The following EML5 variants were observed in gnomAD, a reference collection of about 807,000 sequenced individuals.
The protein encoded by EML5 is echinoderm microtubule-associated protein-like 5.
Under a neutral mutation model 250.0 loss-of-function variants are expected in EML5, and 120 were observed. The ratio of observed to expected loss-of-function variants is 0.48; its 90% CI spans 0.41 to 0.56. The LOEUF is 0.56. EML5 is among the 20% of genes least tolerant of loss of function. EML5 has a pLI of 0.00. For missense variants in EML5, 2,006 were observed against 2,437.6 expected, an observed-to-expected ratio of 0.82 and a Z score of 3.73; for synonymous variants, 771 against 806.5, an observed-to-expected ratio of 0.96 and a Z score of 0.75.
chr14:88,760,433 C>T (rs560478252), intron 1 of EML5, among the ~76,000 whole-genome samples: 1 of 152,182 alleles, frequency 6.6e-6, no homozygotes, highest in South Asian at 2.1e-4. Flanking sequence ...TCTCCATTGA[C>T]TTCCCCAAGC....
At chr14:88,634,388 A>C (rs2090606855) in intron 33 of EML5, 81 bp downstream of exon 33, 1 of 906,068 alleles carries the variant, frequency 1.1e-6, no homozygotes, top group Admixed American at 3.5e-5. Flanking sequence ...AGAACGGACT[A>C]ATATACTTGA....
At chr14:88,641,024 G>C (rs1256141477) in intron 31 of EML5, among the ~76,000 whole-genome samples, 2 of 151,984 alleles carry the variant, frequency 1.3e-5, no homozygotes, top group Non-Finnish European at 2.9e-5. Flanking sequence ...AGAGGAGATG[G>C]ATAAATTCCT....
chr14:88,710,759 A>C (rs2093391707), intron 10 of EML5, among the ~76,000 whole-genome samples: 1 of 152,206 alleles, frequency 6.6e-6, no homozygotes, highest in African/African-American at 2.4e-5. Context: ...AACAAATGGG[A>C]AACAAAAAAG....
intron 2 of EML5, 21 bp from the exon 3 acceptor site, chr14:88,746,304 C>G (rs746565103): frequency 1.3e-6 from 2 of 1,593,854 alleles, no homozygotes; most frequent in South Asian, 1.1e-5. Flanking sequence ...TCCAAGAAGT[C>G]CAGGAAGGAA....
chr14:88,662,763 T>C (rs118168277), intron 24 of EML5, among the ~76,000 whole-genome samples: 2,944 of 152,126 alleles, frequency 0.019, 45 homozygotes, highest in Non-Finnish European at 0.026. Context: ...CAGTCTGGTC[T>C]TGAACTCCTG....
intron 7 of EML5, among the ~76,000 whole-genome samples, chr14:88,727,233 GATAA>G (rs1253129504): frequency 1.3e-5 from 2 of 152,066 alleles, no homozygotes; most frequent in African/African-American, 2.4e-5. Context: ...ATGCACTGGT[GATAA>G]ATAATAATGT....
At chr14:88,708,282 T>C (rs2093350727) in intron 10 of EML5, among the ~76,000 whole-genome samples, 1 of 152,174 alleles carries the variant, frequency 6.6e-6, no homozygotes, top group South Asian at 2.1e-4. Flanking sequence ...GAAATGACTT[T>C]GACTCACCAA....
Position 88,785,348 on chromosome 14 carries a change from G to C in EML5, c.197+6959C>G, listed in dbSNP as rs1166158372. 2.0e-5 allele frequency among the ~76,000 whole-genome samples: 3 copies of C among 152,114 alleles called. 1 individual carries two copies. Among genetic ancestry groups the C allele is most frequent in the Non-Finnish European group, 1.5e-5 (1 of 68,018 alleles). On this transcript the variant is annotated intron_variant, in intron 1 of 43. Coordinates refer to ENST00000554922, the MANE Select transcript of EML5 (RefSeq NM_183387.3). ...CTAAAAGGTTGCAACTGGATTCTTTGTAATACAAAGGATAAAGCCTTGAGG... is the reference window on the plus strand; with the variant it reads ...CTAAAAGGTTGCAACTGGATTCTTTCTAATACAAAGGATAAAGCCTTGAGG...
intron 36 of EML5, chr14:88,624,059 AT>A (rs776883239): frequency 6.6e-6 from 1 of 152,154 alleles, no homozygotes; most frequent in East Asian, 1.9e-4. Flanking sequence ...AGTCAACTAT[AT>A]GTCACATTTT....
intron 21 of EML5, among the ~76,000 whole-genome samples, chr14:88,669,363 A>C (rs1271515677): frequency 6.6e-6 from 1 of 152,182 alleles, no homozygotes; most frequent in African/African-American, 2.4e-5. Context: ...GAGGGGCAGC[A>C]GACATCACTG....
At chr14:88,753,864 A>G (rs2094129190) in intron 2 of EML5, among the ~76,000 whole-genome samples, 1 of 152,194 alleles carries the variant, frequency 6.6e-6, no homozygotes. Context: ...GGCTGGGTGC[A>G]GTGGCTCAAG....
intron 7 of EML5, among the ~76,000 whole-genome samples, chr14:88,735,004 T>G (rs11624015): frequency 1.3e-5 from 2 of 152,042 alleles, no homozygotes; most frequent in African/African-American, 2.4e-5. Flanking sequence ...TACAGAACAC[T>G]GTGTGATAAC....
intron 18 of EML5, 72 bp from the exon 19 acceptor site, chr14:88,687,399 T>C: frequency 3.7e-6 from 4 of 1,084,788 alleles, no homozygotes; most frequent in East Asian, 5.4e-5. Context: ...TTTCCTTATA[T>C]TGAAAACTTC....
intron 21 of EML5, 95 bp from the exon 22 acceptor site, chr14:88,665,584 T>C: frequency 1.3e-6 from 2 of 1,525,914 alleles, no homozygotes; most frequent in Non-Finnish European, 1.8e-6. Flanking sequence ...CCAAGCACTC[T>C]GGGGAGCTGA....
At chr14:88,726,748 A>C in intron 7 of EML5, 70 bp from the exon 8 acceptor site, 2 of 1,135,854 alleles carry the variant, frequency 1.8e-6, no homozygotes, top group South Asian at 2.2e-5. Flanking sequence ...TTTTGGTTAA[A>C]ATAATCTCAT....
At chr14:88,667,809 G>A (rs1300743852) in intron 21 of EML5, among the ~76,000 whole-genome samples, 1 of 152,280 alleles carries the variant, frequency 6.6e-6, no homozygotes, top group African/African-American at 2.4e-5. Flanking sequence ...CACTGTAATG[G>A]CTCTAACAAT....
intron 1 of EML5, among the ~76,000 whole-genome samples, chr14:88,761,508 C>T (rs905821654): frequency 1.3e-5 from 2 of 152,132 alleles, no homozygotes; most frequent in Non-Finnish European, 2.9e-5. Flanking sequence ...GCTTCATCGT[C>T]CCTGCAAAGG....
At chr14:88,791,000 T>C (rs1362085032) in intron 1 of EML5, among the ~76,000 whole-genome samples, 1 of 152,168 alleles carries the variant, frequency 6.6e-6, no homozygotes, top group East Asian at 1.9e-4. Flanking sequence ...AAAAGCACTC[T>C]GGTGTCCAAA....
intron 9 of EML5, among the ~76,000 whole-genome samples, chr14:88,713,558 G>A (rs959877922): frequency 6.6e-6 from 1 of 151,462 alleles, no homozygotes; most frequent in African/African-American, 2.4e-5. Flanking sequence ...GCTCCCAGCA[G>A]CCTTGAACTC....
Sources: allele counts gnomAD v4.1 joint callset (sites outside exome capture counted in the v4.1 genomes callset), GRCh38; gene constraint gnomAD v4.1.1; transcripts MANE v1.5; gene names NCBI Gene and HGNC (gene_info 2026-07-23, HGNC 2026-07-21).